The following SAMD5 variants were observed in gnomAD, a reference collection of about 807,000 sequenced individuals.
SAMD5 encodes sterile alpha motif domain-containing protein 5.
Under a neutral mutation model 11.3 loss-of-function variants are expected in SAMD5, and 13 were observed. The observed-to-expected ratio is 1.15, with a 90% CI of 0.75 to 1.83. SAMD5 has a LOEUF of 1.83. Among genes scored for constraint, SAMD5 ranks in the 40% most tolerant of loss-of-function variants. The pLI is 0.00. For synonymous variants in SAMD5, 129 were observed against 111.3 expected (o/e 1.16, Z -1.00); for missense variants, 255 against 239.1 (o/e 1.07, Z -0.44).
At chr6:147,623,767 A>G (rs1790007400) in intron 1 of SAMD5, among the ~76,000 whole-genome samples, 1 of 152,252 alleles carries the variant, frequency 6.6e-6, no homozygotes, top group Non-Finnish European at 1.5e-5. Flanking sequence ...CATTAGAGAA[A>G]TGAAGAATTG....
the SAMD5 span, among the ~76,000 whole-genome samples, chr6:147,906,245 T>G: frequency 6.6e-6 from 1 of 152,220 alleles, no homozygotes; most frequent in Non-Finnish European, 1.5e-5. Flanking sequence ...TTTCTGCCTT[T>G]TGGTGACATT....
At chr6:147,942,603 A>G in the SAMD5 span, among the ~76,000 whole-genome samples, 3 of 152,174 alleles carry the variant, frequency 2.0e-5, no homozygotes, top group Non-Finnish European at 4.4e-5. Context: ...GTCTCCTACA[A>G]TATGCAGATA....
At chr6:147,670,744 G>A (rs1439560786) in intron 1 of SAMD5, among the ~76,000 whole-genome samples, 1 of 152,226 alleles carries the variant, frequency 6.6e-6, no homozygotes, top group Admixed American at 6.5e-5. Context: ...TAGGCTTTGA[G>A]TTAAAGGAAT....
chr6:147,746,418 C>T, the SAMD5 span, among the ~76,000 whole-genome samples: 11 of 152,294 alleles, frequency 7.2e-5, no homozygotes, highest in Admixed American at 2.6e-4. Context: ...TGCACACACT[C>T]ATGCTAGATT....
chr6:147,811,339 C>T, the SAMD5 span, among the ~76,000 whole-genome samples: 2 of 151,984 alleles, frequency 1.3e-5, no homozygotes, highest in African/African-American at 2.4e-5. Context: ...ATAGGAAAAT[C>T]CTAAGGTTTA....
the SAMD5 span, among the ~76,000 whole-genome samples, chr6:147,818,151 A>G: frequency 6.6e-6 from 1 of 151,642 alleles, no homozygotes; most frequent in Admixed American, 6.6e-5. Context: ...AATGGAACGA[A>G]CTAAACCATT....
chr6:147,823,689 G>A, the SAMD5 span, among the ~76,000 whole-genome samples: 1 of 152,120 alleles, frequency 6.6e-6, no homozygotes, highest in Non-Finnish European at 1.5e-5. Context: ...AGAACTGAAC[G>A]GGAGGCTAAG....
At chr6:147,763,470 A>AT in the SAMD5 span, among the ~76,000 whole-genome samples, 11,915 of 142,858 alleles carry the variant, frequency 0.083, 854 homozygotes, top group African/African-American at 0.2. Context: ...CCCATCATGG[A>AT]TTTTTTTTTT....
At chr6:147,920,513 G>A in the SAMD5 span, among the ~76,000 whole-genome samples, 5 of 152,232 alleles carry the variant, frequency 3.3e-5, no homozygotes, top group South Asian at 4.1e-4. Flanking sequence ...CTTTGTGATC[G>A]TGTGAGTCAG....
At chr6:147,641,924 C>CT (rs2128452431) in intron 1 of SAMD5, among the ~76,000 whole-genome samples, 1 of 152,246 alleles carries the variant, frequency 6.6e-6, no homozygotes, top group African/African-American at 2.4e-5. Context: ...AAATCTTATT[C>CT]TTAGAATACT....
intron 1 of SAMD5, among the ~76,000 whole-genome samples, chr6:147,683,640 T>C (rs1790970509): frequency 6.6e-6 from 1 of 152,148 alleles, no homozygotes; most frequent in South Asian, 2.1e-4. Context: ...TGGAAGTGCA[T>C]GGCAGTGAGT....
chr6:147,663,809 AAAAG>A (rs1172740586), intron 1 of SAMD5, among the ~76,000 whole-genome samples: 1 of 139,920 alleles, frequency 7.1e-6, no homozygotes, highest in African/African-American at 2.5e-5. Context: ...AAAAAAAAAA[AAAAG>A]AGAGAGAAAG....
At chr6:147,661,303 C>T (rs1305655684) in intron 1 of SAMD5, among the ~76,000 whole-genome samples, 2 of 152,142 alleles carry the variant, frequency 1.3e-5, no homozygotes, top group African/African-American at 4.8e-5. Context: ...TGCTGCTTTT[C>T]ACATGGAAGT....
chr6:147,788,075 A>C, the SAMD5 span, among the ~76,000 whole-genome samples: 80 of 152,328 alleles, frequency 5.3e-4, no homozygotes, highest in African/African-American at 1.8e-3. Context: ...TGAGCTTGCT[A>C]TTTGATTAAG....
intron 1 of SAMD5, among the ~76,000 whole-genome samples, chr6:147,510,228 C>A (rs906344172): frequency 1.3e-5 from 2 of 152,122 alleles, no homozygotes; most frequent in Admixed American, 1.3e-4. Flanking sequence ...AGGGAAGGAA[C>A]CTGGAAGTTC....
intron 1 of SAMD5, among the ~76,000 whole-genome samples, chr6:147,625,071 G>A (rs1383723048): frequency 6.6e-6 from 1 of 152,138 alleles, no homozygotes; most frequent in African/African-American, 2.4e-5. Context: ...GGCGAAACAG[G>A]TGCCTTTTGT....
At chr6:147,626,297 T>A (rs896283320) in intron 1 of SAMD5, among the ~76,000 whole-genome samples, 3 of 152,130 alleles carry the variant, frequency 2.0e-5, no homozygotes, top group Non-Finnish European at 4.4e-5. Flanking sequence ...ACTGTAATTG[T>A]TTTAGCTGTT....
intron 1 of SAMD5, among the ~76,000 whole-genome samples, chr6:147,630,817 ATTCCT>A (rs1790138371): frequency 6.6e-6 from 1 of 152,142 alleles, no homozygotes; most frequent in Non-Finnish European, 1.5e-5. Flanking sequence ...CTTAATTTCA[ATTCCT>A]TTCCTTTTCT....
At chr6:147,773,511 G>A in the SAMD5 span, among the ~76,000 whole-genome samples, 1 of 152,198 alleles carries the variant, frequency 6.6e-6, no homozygotes, top group African/African-American at 2.4e-5. Flanking sequence ...AGTTCTGGGG[G>A]TTGGAAAATC....
Sources: gnomAD v4.1 joint callset for allele counts (sites outside exome capture counted in the v4.1 genomes callset) on GRCh38, gnomAD v4.1.1 for gene constraint, MANE v1.5 for transcripts, NCBI Gene and HGNC (gene_info 2026-07-23, HGNC 2026-07-21) for gene names.